Variants in TCF12 observed in about 807,000 individuals in gnomAD.
TCF12 encodes the protein transcription factor 12.
Under a neutral mutation model 86.0 loss-of-function variants are expected in TCF12, and 45 were observed. The ratio of observed to expected loss-of-function variants is 0.52; its 90% confidence interval spans 0.41 to 0.67. TCF12 has a LOEUF of 0.67. Among genes scored for constraint, TCF12 ranks in the 30% least tolerant of loss-of-function variants. TCF12 has a pLI of 0.00. For synonymous variants in TCF12, 330 were observed against 299.6 expected, an observed-to-expected ratio of 1.10 and a Z score of -1.05; for missense variants, 881 against 859.9, an observed-to-expected ratio of 1.02 and a Z score of -0.31.
intron 6 of TCF12, among the ~76,000 whole-genome samples, chr15:57,181,727 T>A (rs1281684706): frequency 6.6e-6 from 1 of 152,224 alleles, no homozygotes; most frequent in African/African-American, 2.4e-5. Flanking sequence ...CTGTTAAAGT[T>A]CCTTATTTTT....
chr15:57,232,935 T>C, intron 11 of TCF12, 79 bp downstream of exon 11: 1 of 902,560 alleles, frequency 1.1e-6, no homozygotes, highest in Non-Finnish European at 1.4e-6. Flanking sequence ...TATATATATG[T>C]ATGTTTTATA....
intron 8 of TCF12, among the ~76,000 whole-genome samples, chr15:57,211,995 A>G (rs1395775859): frequency 4.6e-5 from 4 of 86,744 alleles, no homozygotes; most frequent in African/African-American, 6.4e-5. Flanking sequence ...ACACACACAC[A>G]CACACACACA....
intron 3 of TCF12, among the ~76,000 whole-genome samples, chr15:56,948,227 TC>T (rs2061100915): frequency 6.6e-6 from 1 of 152,002 alleles, no homozygotes; most frequent in African/African-American, 2.4e-5. Flanking sequence ...GCTGAATTGA[TC>T]CTCCCACCTC....
At chr15:57,275,324 A>AGG (rs1273498527) in intron 19 of TCF12, among the ~76,000 whole-genome samples, 11 of 4,764 alleles carry the variant, frequency 2.3e-3, no homozygotes, top group Admixed American at 9.8e-3. Context: ...TTTGTAAGGT[A>AGG]GGGGTGTGTG....
rs370125582 is a variant in TCF12 at position 57,232,444 on chromosome 15, C to T, written c.825+14C>T. ...CATGACCGCTTGGTAGGCTATAACA[C>T]GTGACTAGGGTACAGCAACACTTTG... On this transcript the variant is annotated intron_variant, in intron 10 of 20. Transcript: ENST00000333725. 187 of 1,591,430 alleles carry T rather than the reference C, an allele frequency of 1.2e-4. No homozygotes were observed. The highest frequency in any genetic ancestry group is 1.2e-4 in the Non-Finnish European group (139 of 1,172,272).
At chr15:56,978,015 AG>A (rs1463064868) in intron 3 of TCF12, among the ~76,000 whole-genome samples, 1 of 152,242 alleles carries the variant, frequency 6.6e-6, no homozygotes, top group East Asian at 1.9e-4. Flanking sequence ...AAATTAAAAA[AG>A]ATAAAATATG....
intron 3 of TCF12, among the ~76,000 whole-genome samples, chr15:56,969,408 A>G (rs1028700698): frequency 6.6e-6 from 1 of 152,198 alleles, no homozygotes; most frequent in Non-Finnish European, 1.5e-5. Context: ...GTGCTACAGA[A>G]AGAGAATAGA....
At chr15:56,986,357 A>G (rs1284030253) in intron 3 of TCF12, among the ~76,000 whole-genome samples, 2 of 152,200 alleles carry the variant, frequency 1.3e-5, no homozygotes, top group African/African-American at 2.4e-5. Context: ...GTTGATAAAT[A>G]AAATGTAAAT....
chr15:57,251,407 A>T lies in TCF12; in HGVS notation c.1172A>T (p.Asn391Ile), dbSNP rs1243602308. 1 of 1,613,174 alleles carries T rather than the reference A, an allele frequency of 6.2e-7. No individual in the cohort carries two copies. Among genetic ancestry groups the T allele is most frequent in the Non-Finnish European group, 8.5e-7 (1 of 1,179,750 alleles). Reference sequence around the variant, plus strand: ...GCACCTTCATCCCCAAGCTATGAAAACTCACTCCACTCCCTGGTAAGAGCC... The same window carrying T: ...GCACCTTCATCCCCAAGCTATGAAATCTCACTCCACTCCCTGGTAAGAGCC... ...GQAPSSPSYE[N>I]SLHSLKNRVE... Residue 391 changes from asparagine (N) to isoleucine (I), a missense_variant, in exon 14 of 21, where the codon AAC (asparagine) becomes ATC (isoleucine). Asn to Ile is a moderately radical substitution (Grantham distance 149, BLOSUM62 -3). This residue lies in a region of TCF12 where 766 missense variants were observed against 718.9 expected (regional missense o/e 1.07). Transcript: ENST00000333725.
At chr15:56,955,349 G>A (rs1200223334) in intron 3 of TCF12, among the ~76,000 whole-genome samples, 2 of 151,872 alleles carry the variant, frequency 1.3e-5, no homozygotes, top group South Asian at 2.1e-4. Flanking sequence ...GGAATTGAAC[G>A]GTGAGAACTC....
intron 5 of TCF12, among the ~76,000 whole-genome samples, chr15:57,111,580 G>A (rs910556312): frequency 7.5e-6 from 1 of 132,704 alleles, no homozygotes; most frequent in Non-Finnish European, 1.6e-5. Flanking sequence ...GGTTTGGTTT[G>A]TTTATCTTTT....
At chr15:57,130,520 G>A (rs2052026882) in intron 5 of TCF12, among the ~76,000 whole-genome samples, 1 of 152,142 alleles carries the variant, frequency 6.6e-6, no homozygotes, top group Non-Finnish European at 1.5e-5. Flanking sequence ...ACTCTAGAGT[G>A]CATTATCAGG....
intron 8 of TCF12, among the ~76,000 whole-genome samples, chr15:57,204,346 G>A (rs1265080276): frequency 6.6e-6 from 1 of 151,800 alleles, no homozygotes; most frequent in African/African-American, 2.4e-5. Context: ...ACCTACTTGA[G>A]ATGCTAAGGC....
chr15:56,991,914 A>G (rs1442327140), intron 3 of TCF12, among the ~76,000 whole-genome samples: 2 of 152,136 alleles, frequency 1.3e-5, no homozygotes, highest in African/African-American at 4.8e-5. Flanking sequence ...TAAGTTTATT[A>G]TGGAGATAAA....
At chr15:57,096,253 A>G (rs1335686735) in intron 5 of TCF12, among the ~76,000 whole-genome samples, 1 of 152,182 alleles carries the variant, frequency 6.6e-6, no homozygotes, top group Admixed American at 6.5e-5. Flanking sequence ...AAAGACTCTG[A>G]AAAAAGAAAA....
chr15:57,176,252 A>G (rs2055902030), intron 6 of TCF12, among the ~76,000 whole-genome samples: 1 of 152,214 alleles, frequency 6.6e-6, no homozygotes, highest in Non-Finnish European at 1.5e-5. Flanking sequence ...TGAGCTCTCT[A>G]GTGACAAGTA....
intron 3 of TCF12, among the ~76,000 whole-genome samples, chr15:56,997,234 C>G (rs1418564401): frequency 6.6e-6 from 1 of 152,304 alleles, no homozygotes; most frequent in African/African-American, 2.4e-5. Flanking sequence ...ATGTGCCTAT[C>G]AGTGGTGGAT....
At chr15:57,116,864 A>G (rs1372495802) in intron 5 of TCF12, among the ~76,000 whole-genome samples, 2 of 152,146 alleles carry the variant, frequency 1.3e-5, no homozygotes, top group African/African-American at 2.4e-5. Flanking sequence ...AGGGTAGCTG[A>G]GAAGAAGCTT....
intron 3 of TCF12, among the ~76,000 whole-genome samples, chr15:56,958,857 C>T (rs1369585440): frequency 2.0e-5 from 3 of 151,646 alleles, no homozygotes; most frequent in Non-Finnish European, 1.5e-5. Context: ...CCTGTCTCTA[C>T]CAAATAAATA....
Sources: allele counts gnomAD v4.1 joint callset (sites outside exome capture counted in the v4.1 genomes callset), GRCh38; gene constraint gnomAD v4.1.1; regional missense constraint gnomAD v4.1.1; transcripts MANE v1.5; gene names NCBI Gene and HGNC (gene_info 2026-07-23, HGNC 2026-07-21).